Variants in SLC14A2 observed in about 807,000 individuals in gnomAD.
The protein encoded by SLC14A2 is solute carrier family 14 member 2, also known as urea transporter 2.
A neutral mutation model predicts 104.6 loss-of-function variants in SLC14A2; 91 were observed. The ratio of observed to expected loss-of-function variants is 0.87; its 90% CI spans 0.73 to 1.04. SLC14A2 has a LOEUF of 1.04. Among genes scored for constraint, SLC14A2 ranks in the 50% least tolerant of loss-of-function variants. The pLI, the probability that SLC14A2 is intolerant of heterozygous loss-of-function variation, is 0.00. For synonymous variants in SLC14A2, 476 were observed against 466.4 expected, an observed-to-expected ratio of 1.02 and a Z score of -0.27; for missense variants, 1,189 against 1,156.0, an observed-to-expected ratio of 1.03 and a Z score of -0.41.
intron 1 of SLC14A2, among the ~76,000 whole-genome samples, chr18:45,245,349 C>T (rs2084358634): frequency 6.6e-6 from 1 of 152,210 alleles, no homozygotes; most frequent in Non-Finnish European, 1.5e-5. Context: ...TCTGTGAGGT[C>T]TCCACTGTGT....
intron 1 of SLC14A2, among the ~76,000 whole-genome samples, chr18:45,384,440 T>G (rs983769266): frequency 6.6e-6 from 1 of 152,194 alleles, no homozygotes; most frequent in Non-Finnish European, 1.5e-5. Context: ...AAGATTTTCT[T>G]TGTTTCTCAG....
intron 2 of SLC14A2, among the ~76,000 whole-genome samples, chr18:45,541,630 G>A (rs1233115258): frequency 3.3e-5 from 5 of 152,236 alleles, no homozygotes; most frequent in Admixed American, 6.5e-5. Flanking sequence ...CTAGGCCTGA[G>A]CTAATGACTG....
chr18:45,664,938 G>T (rs987552188), intron 11 of SLC14A2, among the ~76,000 whole-genome samples: 3 of 152,134 alleles, frequency 2.0e-5, no homozygotes, highest in Non-Finnish European at 4.4e-5. Flanking sequence ...CTGTGGTTGG[G>T]GAGAGCATAG....
intron 1 of SLC14A2, among the ~76,000 whole-genome samples, chr18:45,255,521 A>G (rs768084893): frequency 2.4e-4 from 36 of 152,206 alleles, no homozygotes; most frequent in Non-Finnish European, 3.7e-4. Flanking sequence ...AATTTGCTTT[A>G]AAAGACCCTT....
chr18:45,601,481 G>A (rs1167236640), intron 2 of SLC14A2, among the ~76,000 whole-genome samples: 2 of 152,182 alleles, frequency 1.3e-5, no homozygotes, highest in Non-Finnish European at 2.9e-5. Context: ...TGGCCACATA[G>A]TAAGAAAGGG....
At chr18:45,597,932 C>A (rs1404976414) in intron 2 of SLC14A2, among the ~76,000 whole-genome samples, 1 of 152,102 alleles carries the variant, frequency 6.6e-6, no homozygotes, top group Non-Finnish European at 1.5e-5. Flanking sequence ...GAGGCCTGAG[C>A]CACCAGGTAA....
chr18:45,379,243 C>T (rs1235925223), intron 1 of SLC14A2, among the ~76,000 whole-genome samples: 2 of 152,178 alleles, frequency 1.3e-5, no homozygotes, highest in Non-Finnish European at 2.9e-5. Context: ...AAGCTTACTG[C>T]CATCTACATT....
chr18:45,445,312 A>G (rs975529965), intron 1 of SLC14A2, among the ~76,000 whole-genome samples: 2 of 151,944 alleles, frequency 1.3e-5, no homozygotes, highest in Admixed American at 6.6e-5. Context: ...TGGTTTCACT[A>G]TGTTGGCCAG....
chr18:45,640,290 T>A (rs2045500982), intron 7 of SLC14A2, among the ~76,000 whole-genome samples: 1 of 147,356 alleles, frequency 6.8e-6, no homozygotes, highest in Admixed American at 6.8e-5. Context: ...AAAAAAAAAA[T>A]ACATGTGGAG....
chr18:45,186,632 G>T, the SLC14A2 span, among the ~76,000 whole-genome samples: 1 of 152,160 alleles, frequency 6.6e-6, no homozygotes. Flanking sequence ...GAGGACTGCA[G>T]TTGCAGGACA....
At chr18:45,495,011 T>G (rs1271334015) in intron 2 of SLC14A2, among the ~76,000 whole-genome samples, 1 of 151,460 alleles carries the variant, frequency 6.6e-6, no homozygotes, top group Non-Finnish European at 1.5e-5. Flanking sequence ...GAAAGCCAGG[T>G]TGTTCAGTGT....
intron 1 of SLC14A2, among the ~76,000 whole-genome samples, chr18:45,302,858 A>G (rs2084981861): frequency 6.6e-6 from 1 of 152,184 alleles, no homozygotes; most frequent in Admixed American, 6.5e-5. Context: ...ATGAATATCC[A>G]AATTGCATTA....
the SLC14A2 span, among the ~76,000 whole-genome samples, chr18:45,192,475 G>A: frequency 1.7e-4 from 26 of 152,088 alleles, no homozygotes; most frequent in African/African-American, 6.0e-4. Flanking sequence ...TGTTGTTTAA[G>A]GTTTTAAGAA....
chr18:45,443,055 G>A (rs1309404736), intron 1 of SLC14A2, among the ~76,000 whole-genome samples: 1 of 152,164 alleles, frequency 6.6e-6, no homozygotes, highest in East Asian at 1.9e-4. Context: ...TTGCTCCAAA[G>A]TCTAAACCCA....
At chr18:45,570,554 T>C (rs1336814565) in intron 2 of SLC14A2, among the ~76,000 whole-genome samples, 2 of 152,192 alleles carry the variant, frequency 1.3e-5, no homozygotes, top group Non-Finnish European at 2.9e-5. Flanking sequence ...TTCCTAAAAA[T>C]TGTAGCCACC....
intron 19 of SLC14A2, among the ~76,000 whole-genome samples, chr18:45,681,722 C>A (rs2046311868): frequency 6.6e-6 from 1 of 152,224 alleles, no homozygotes; most frequent in Non-Finnish European, 1.5e-5. Flanking sequence ...AATGGCCACC[C>A]ATCCCTGGTT....
intron 2 of SLC14A2, among the ~76,000 whole-genome samples, chr18:45,586,364 G>A (rs1401466359): frequency 1.3e-5 from 2 of 152,182 alleles, no homozygotes; most frequent in Admixed American, 6.5e-5. Context: ...GGGGAGGAGA[G>A]GAGAGGAAGT....
chr18:45,510,186 G>A (rs994522640), intron 2 of SLC14A2, among the ~76,000 whole-genome samples: 3 of 152,112 alleles, frequency 2.0e-5, no homozygotes, highest in Non-Finnish European at 4.4e-5. Flanking sequence ...CTTCTTACAG[G>A]TGCTAAATGT....
intron 2 of SLC14A2, among the ~76,000 whole-genome samples, chr18:45,594,373 G>C (rs958153993): frequency 6.6e-6 from 1 of 152,188 alleles, no homozygotes; most frequent in Non-Finnish European, 1.5e-5. Flanking sequence ...GGAGTCTGGG[G>C]AAAGCAGAAT....
Sources: allele counts gnomAD v4.1 joint callset (sites outside exome capture counted in the v4.1 genomes callset), GRCh38; gene constraint gnomAD v4.1.1; transcripts MANE v1.5; gene names NCBI Gene and HGNC (gene_info 2026-07-23, HGNC 2026-07-21).